Variants in NDUFS6 observed in about 807,000 individuals in gnomAD.
The protein encoded by NDUFS6 is NADH:ubiquinone oxidoreductase subunit S6, also known as NADH dehydrogenase [ubiquinone] iron-sulfur protein 6, mitochondrial.
A neutral mutation model predicts 13.2 loss-of-function variants in NDUFS6; 14 were observed. That is an observed-to-expected ratio of 1.06 (90% CI 0.70 to 1.66). The LOEUF (loss-of-function observed/expected upper bound fraction) is 1.66, where lower values mean the gene tolerates loss of function less well. Ranked by LOEUF, NDUFS6 falls within the 40% of genes most tolerant of loss-of-function variation. The pLI, the probability that NDUFS6 is intolerant of heterozygous loss-of-function variation, is 0.00. For synonymous variants in NDUFS6, 95 were observed against 72.3 expected, an observed-to-expected ratio of 1.31 and a Z score of -1.60; for missense variants, 206 against 170.8, an observed-to-expected ratio of 1.21 and a Z score of -1.15.
intron 1 of NDUFS6, among the ~76,000 whole-genome samples, chr5:1,801,895 T>C (rs1734050423): frequency 6.6e-6 from 1 of 152,268 alleles, no homozygotes; most frequent in Admixed American, 6.5e-5. Context: ...TAAATTTTAG[T>C]AACCTGAGAA....
chr5:1,812,273 A>G (rs972713654), intron 2 of NDUFS6, among the ~76,000 whole-genome samples: 4 of 152,074 alleles, frequency 2.6e-5, no homozygotes, highest in African/African-American at 9.7e-5. Flanking sequence ...CAGAACCCTC[A>G]TGACCTCAGT....
intron 2 of NDUFS6, among the ~76,000 whole-genome samples, chr5:1,808,966 G>A (rs924821453): frequency 1.3e-5 from 2 of 152,168 alleles, no homozygotes; most frequent in Admixed American, 1.3e-4. Flanking sequence ...ATTCTACAGT[G>A]TCGATGATCC....
At chr5:1,802,190 C>G in intron 1 of NDUFS6, 131 bp from the exon 2 acceptor site, 1 of 814,980 alleles carries the variant, frequency 1.2e-6, no homozygotes, top group Non-Finnish European at 2.1e-6. Context: ...GAGTACTGTG[C>G]ACTTGTTTGA....
rs936138361 is a variant in NDUFS6 at position 1,814,682 on chromosome 5, G to A, written c.309+221G>A. On this transcript the variant is annotated intron_variant, in intron 3 of 3. Transcript: ENST00000274137. This position sits in a 1 kb window ranked among gnomAD's most constrained non-coding sequence, Gnocchi z 4.9. The stretch of plus-strand genomic sequence containing the variant: ...CCCTTTCAACTGTGAAGTGGTGGGC[G>A]GCATGTTTCTCTTCTCGGACGCCCA... 4.0e-6 allele frequency: 3 copies of A among 750,248 alleles called. No individual in the cohort carries two copies. Among genetic ancestry groups the A allele is most frequent in the East Asian group, 2.7e-5 (1 of 37,480 alleles). 46.5% of individuals were successfully genotyped at this position (750,248 alleles called of 1,614,324 possible). A position where few individuals can be genotyped will look rare whatever the true frequency, so the allele number is the denominator to read the frequency against.
rs546335937 is a variant in NDUFS6, at chr5:1,811,322, A to C, written c.187-3017A>C. On this transcript the variant is annotated intron_variant, in intron 2 of 3. Transcript: ENST00000274137. ...TTGTTCAAGGATTAACTGTACCTTCAAAAGATACTAACATTCAGATCTTAC... is the reference window on the plus strand; with the variant it reads ...TTGTTCAAGGATTAACTGTACCTTCCAAAGATACTAACATTCAGATCTTAC... 8.7e-4 allele frequency among the ~76,000 whole-genome samples: 132 copies of C among 152,344 alleles called. 1 individual carries two copies. Among genetic ancestry groups the C allele is most frequent in the African/African-American group, 3.2e-3 (131 of 41,570 alleles).
In NDUFS6 at chr5:1,814,629, C is replaced by A. The variant is rs1264123440; in HGVS notation, c.309+168C>A. 2.9e-6 allele frequency: 3 copies of A among 1,044,720 alleles called. No homozygotes were observed. Among genetic ancestry groups the A allele is most frequent in the Non-Finnish European group, 4.3e-6 (3 of 696,734 alleles). The allele number at this position is 1,044,720 out of a possible 1,614,324, so 64.7% of individuals were successfully genotyped here. On this transcript the variant is annotated intron_variant, in intron 3 of 3. Coordinates refer to ENST00000274137, the MANE Select transcript of NDUFS6 (RefSeq NM_004553.6). The surrounding 1 kb of genome is among the most constrained non-coding windows in gnomAD (Gnocchi z 4.9). ...CACCCTACAGCGCCACACTACAGGG[C>A]CTACATAGAGCCGCCTGTCCGAAAA...
chr5:1,802,112 G>T, intron 1 of NDUFS6: 2 of 575,616 alleles, frequency 3.5e-6, no homozygotes, highest in South Asian at 2.0e-5. Flanking sequence ...TCTCTGTGCT[G>T]CTCTCTGATC....
At chr5:1,802,444 A>C (rs990549912) in intron 2 of NDUFS6, 70 bp downstream of exon 2, 3 of 1,252,776 alleles carry the variant, frequency 2.4e-6, no homozygotes, top group Non-Finnish European at 3.4e-6. Context: ...AGAAATAAAA[A>C]TTAATATATA....
rs1048105 is a variant in NDUFS6 at position 1,815,909 on chromosome 5, A to C, written c.368A>C (p.His123Pro). ...GYCGLQFRQH[H>P]H ...TGTGGGCTCCAGTTCAGACAGCACC[A>C]CCACTAGAGCGTGTGGCACGCCGGG... Residue 123 changes from histidine to proline, a missense_variant, in exon 4 of 4, where the codon CAC (histidine) becomes CCC (proline). By Grantham distance (77) the His-to-Pro change is moderately conservative. Coordinates refer to ENST00000274137, the MANE Select transcript of NDUFS6 (RefSeq NM_004553.6). 6.2e-7 allele frequency: 1 copy of C among 1,614,124 alleles called. No homozygotes were observed. Among genetic ancestry groups the C allele is most frequent in the Non-Finnish European group, 8.5e-7 (1 of 1,180,048 alleles).
intron 2 of NDUFS6, among the ~76,000 whole-genome samples, chr5:1,810,494 A>C (rs1734201745): frequency 1.3e-5 from 2 of 152,244 alleles, no homozygotes; most frequent in Middle Eastern, 3.2e-3. Flanking sequence ...ACAGAGTCAG[A>C]GGAAATCAAG....
chr5:1,803,265 A>G (rs191610102), intron 2 of NDUFS6, among the ~76,000 whole-genome samples: 38 of 152,350 alleles, frequency 2.5e-4, no homozygotes, highest in African/African-American at 7.7e-4. Context: ...CTCAAAATTC[A>G]GCTGGTTCAC....
At chr5:1,803,828 T>G (rs1187408424) in intron 2 of NDUFS6, among the ~76,000 whole-genome samples, 1 of 152,228 alleles carries the variant, frequency 6.6e-6, no homozygotes, top group East Asian at 1.9e-4. Context: ...TCCTGGGCAT[T>G]CTTGTTAGGT....
intron 2 of NDUFS6, among the ~76,000 whole-genome samples, chr5:1,803,186 G>T (rs1043362476): frequency 6.6e-6 from 1 of 152,078 alleles, no homozygotes; most frequent in Non-Finnish European, 1.5e-5. Context: ...GTTTTTGTAC[G>T]TCTATTCCAG....
chr5:1,804,480 A>G (rs1734094916), intron 2 of NDUFS6, among the ~76,000 whole-genome samples: 3 of 152,190 alleles, frequency 2.0e-5, no homozygotes, highest in Non-Finnish European at 1.5e-5. Context: ...TGTGACCTCA[A>G]CGCTCCAGCC....
intron 3 of NDUFS6, among the ~76,000 whole-genome samples, chr5:1,815,430 C>T (rs1734293544): frequency 6.6e-6 from 1 of 152,210 alleles, no homozygotes; most frequent in African/African-American, 2.4e-5. Flanking sequence ...GTTGCCTGTC[C>T]TGAAAAGGGG....
chr5:1,801,611 G>A, intron 1 of NDUFS6, 62 bp downstream of exon 1: 5 of 1,522,450 alleles, frequency 3.3e-6, no homozygotes, highest in Middle Eastern at 2.0e-4. Context: ...ACTGGTGGCA[G>A]TGGGCTCGCC....
At chr5:1,804,575 T>C (rs1189655960) in intron 2 of NDUFS6, among the ~76,000 whole-genome samples, 3 of 152,282 alleles carry the variant, frequency 2.0e-5, no homozygotes, top group African/African-American at 2.4e-5. Flanking sequence ...GTTCAAGGCA[T>C]GTTGATAACA....
rs762052734 is a variant in NDUFS6, at chr5:1,814,310, GT to G, written c.187-26del. The G allele has an allele frequency of 6.2e-7, 1 of 1,614,118 alleles. No individual in the cohort carries two copies. The highest frequency in any genetic ancestry group is 8.5e-7 in the Non-Finnish European group (1 of 1,179,992). On this transcript the variant is annotated intron_variant, in intron 2 of 3. Transcript: ENST00000274137. The surrounding 1 kb of genome is among the most constrained non-coding windows in gnomAD (Gnocchi z 4.9). Reference sequence around the variant, plus strand: ...ATGTAGTTAGCAAGTTTGTGTATTTGTTTACGTAAGTCTTTCTTCTTGTTCC... The same window carrying G: ...ATGTAGTTAGCAAGTTTGTGTATTTGTTACGTAAGTCTTTCTTCTTGTTCC...
At chr5:1,811,261 T>TCAATTGTGTTGGGGGTG (rs1561106582) in intron 2 of NDUFS6, among the ~76,000 whole-genome samples, 1 of 152,188 alleles carries the variant, frequency 6.6e-6, no homozygotes, top group African/African-American at 2.4e-5. Flanking sequence ...ATGCAGATTT[T>TCAATTGTGTTGGGGGTG]CAATTGTGTT....
Sources: gnomAD v4.1 joint callset for allele counts (sites outside exome capture counted in the v4.1 genomes callset) on GRCh38, gnomAD v4.1.1 for gene constraint, Gnocchi (gnomAD v3.1) non-coding constraint, MANE v1.5 for transcripts, NCBI Gene and HGNC (gene_info 2026-07-23, HGNC 2026-07-21) for gene names.